GMPR: variants seen among roughly 807,000 people sequenced by gnomAD.
The protein encoded by GMPR is guanosine monophosphate reductase.
A neutral mutation model predicts 38.4 loss-of-function variants in GMPR; 31 were observed. The ratio of observed to expected loss-of-function variants is 0.81; its 90% confidence interval spans 0.61 to 1.09. The LOEUF is 1.09. Ranked by LOEUF, GMPR falls within the 50% of genes least tolerant of loss-of-function variation. GMPR has a pLI of 0.00. For synonymous variants in GMPR, 162 were observed against 173.3 expected (o/e 0.93, Z 0.51); for missense variants, 468 against 453.7 (o/e 1.03, Z -0.29).
intron 4 of GMPR, among the ~76,000 whole-genome samples, chr6:16,266,683 C>A (rs1237312055): frequency 2.6e-5 from 4 of 151,030 alleles, no homozygotes; most frequent in Non-Finnish European, 4.4e-5. Context: ...CAGTGGCGGG[C>A]GCCTGTAGTC....
intron 7 of GMPR, among the ~76,000 whole-genome samples, chr6:16,288,081 T>TA (rs1327366309): frequency 3.3e-5 from 5 of 152,208 alleles, no homozygotes; most frequent in Non-Finnish European, 7.3e-5. Flanking sequence ...GGGGAGGCTG[T>TA]AGTGAGAGGT....
At chr6:16,248,549 A>C (rs1758803986) in intron 2 of GMPR, among the ~76,000 whole-genome samples, 1 of 152,116 alleles carries the variant, frequency 6.6e-6, no homozygotes, top group African/African-American at 2.4e-5. Context: ...ACTGAGATTC[A>C]TTATTAGCCA....
chr6:16,291,078 C>G (rs1759833431), intron 8 of GMPR, among the ~76,000 whole-genome samples: 1 of 152,166 alleles, frequency 6.6e-6, no homozygotes, highest in South Asian at 2.1e-4. Context: ...CCAGGCCTTT[C>G]CTGAAGAATG....
intron 4 of GMPR, among the ~76,000 whole-genome samples, chr6:16,270,162 C>T (rs1315617030): frequency 1.3e-5 from 2 of 152,222 alleles, no homozygotes; most frequent in African/African-American, 4.8e-5. Flanking sequence ...CTTGGCTTGG[C>T]CACTTTTTAT....
chr6:16,289,126 A>C (rs1465521360), intron 7 of GMPR, among the ~76,000 whole-genome samples: 1 of 152,206 alleles, frequency 6.6e-6, no homozygotes, highest in Admixed American at 6.5e-5. Context: ...CTTTAGGCCC[A>C]CACTGCTTTT....
intron 5 of GMPR, among the ~76,000 whole-genome samples, chr6:16,278,467 G>A (rs1759517030): frequency 6.6e-6 from 1 of 152,178 alleles, no homozygotes; most frequent in African/African-American, 2.4e-5. Context: ...GTGTGGAAAG[G>A]TCAGTGCCTG....
At chr6:16,271,366 A>G (rs1180342257) in intron 4 of GMPR, among the ~76,000 whole-genome samples, 1 of 152,166 alleles carries the variant, frequency 6.6e-6, no homozygotes, top group Non-Finnish European at 1.5e-5. Flanking sequence ...CATACCTGTA[A>G]TCCCAGCTGC....
chr6:16,248,632 C>T (rs778813752), intron 2 of GMPR, among the ~76,000 whole-genome samples: 3 of 152,084 alleles, frequency 2.0e-5, no homozygotes, highest in South Asian at 2.1e-4. Context: ...TGTCGGATTC[C>T]GTGATCACTT....
chr6:16,285,906 C>A, intron 7 of GMPR, 71 bp downstream of exon 7: 1 of 1,277,698 alleles, frequency 7.8e-7, no homozygotes, highest in Non-Finnish European at 1.1e-6. Context: ...CTCCAGCTGG[C>A]AACCTGAATG....
At chr6:16,266,155 T>TCGC (rs1759212475) in intron 4 of GMPR, among the ~76,000 whole-genome samples, 12 of 122,090 alleles carry the variant, frequency 9.8e-5, no homozygotes, top group East Asian at 8.1e-4. Flanking sequence ...GCTGTAACAC[T>TCGC]TGCCATCTTT....
Position 16,250,342 on chromosome 6 carries a change from C to T in GMPR, c.266C>T (p.Ala89Val), listed in dbSNP as rs376061082. Reference protein sequence around the residue: ...HYSLDDWKLFATNHPECLQNV... With the variant: ...HYSLDDWKLFVTNHPECLQNV... ...TCCCTGGATGACTGGAAGCTCTTTGCCACAAATCACCCAGAATGCCTGCAG... is the reference window on the plus strand; with the variant it reads ...TCCCTGGATGACTGGAAGCTCTTTGTCACAAATCACCCAGAATGCCTGCAG... The change falls in exon 3 of 9, where the codon GCC (alanine) becomes GTC (valine). Residue 89 changes from alanine to valine, a missense_variant. Transcript: ENST00000259727. The T allele has an allele frequency of 3.2e-5, 51 of 1,605,516 alleles. No homozygotes were observed. In the African/African-American group the frequency reaches 6.4e-4, roughly 20 times the overall value.
intron 5 of GMPR, among the ~76,000 whole-genome samples, chr6:16,274,778 T>C (rs1308973587): frequency 6.6e-6 from 1 of 152,078 alleles, no homozygotes; most frequent in Non-Finnish European, 1.5e-5. Context: ...TGTGGAAGAA[T>C]GTAGATTTCA....
At chr6:16,289,129 C>T (rs147067740) in intron 7 of GMPR, among the ~76,000 whole-genome samples, 5 of 152,350 alleles carry the variant, frequency 3.3e-5, no homozygotes, top group East Asian at 1.9e-4. Flanking sequence ...TAGGCCCACA[C>T]TGCTTTTATG....
chr6:16,248,569 C>T (rs1011543958), intron 2 of GMPR, among the ~76,000 whole-genome samples: 2 of 152,066 alleles, frequency 1.3e-5, no homozygotes, highest in African/African-American at 4.8e-5. Context: ...AGTGATTCGA[C>T]GGAAAATATT....
intron 6 of GMPR, among the ~76,000 whole-genome samples, chr6:16,280,767 C>T (rs1759558954): frequency 6.6e-6 from 1 of 152,138 alleles, no homozygotes; most frequent in South Asian, 2.1e-4. Context: ...CCCCAAAATC[C>T]CCATATGTAA....
intron 4 of GMPR, among the ~76,000 whole-genome samples, chr6:16,267,909 C>T (rs530853715): frequency 6.6e-6 from 1 of 152,364 alleles, no homozygotes; most frequent in African/African-American, 2.4e-5. Context: ...GGGACCCTGA[C>T]ATTTCCATGC....
intron 4 of GMPR, among the ~76,000 whole-genome samples, chr6:16,266,733 C>G (rs1759246704): frequency 6.6e-6 from 1 of 151,316 alleles, no homozygotes; most frequent in Non-Finnish European, 1.5e-5. Context: ...ATTGCATGAA[C>G]CTGGGAGGGG....
intron 2 of GMPR, 94 bp from the exon 3 acceptor site, chr6:16,250,190 T>C: frequency 1.3e-6 from 1 of 767,828 alleles, no homozygotes; most frequent in South Asian, 1.4e-5. Flanking sequence ...GGAACACTGA[T>C]GCCTTTGTCT....
chr6:16,256,456 G>T (rs1363168821), intron 4 of GMPR, among the ~76,000 whole-genome samples: 1 of 145,416 alleles, frequency 6.9e-6, no homozygotes, highest in Admixed American at 7.0e-5. Flanking sequence ...TCGAACCCGG[G>T]AGGCAAAGGT....
Sources: allele counts gnomAD v4.1 joint callset (sites outside exome capture counted in the v4.1 genomes callset), GRCh38; gene constraint gnomAD v4.1.1; transcripts MANE v1.5; gene names NCBI Gene and HGNC (gene_info 2026-07-23, HGNC 2026-07-21).